The following FARS2 variants were observed in gnomAD, a reference collection of about 807,000 sequenced individuals.
The protein encoded by FARS2 is phenylalanyl-tRNA synthetase 2, mitochondrial.
Under a neutral mutation model 46.4 loss-of-function variants are expected in FARS2, and 40 were observed. That is an observed-to-expected ratio of 0.86 (90% CI 0.67 to 1.12). The LOEUF (loss-of-function observed/expected upper bound fraction) is 1.12, where lower values mean the gene tolerates loss of function less well. Among genes scored for constraint, FARS2 ranks in the 50% most tolerant of loss-of-function variants. The probability of loss-of-function intolerance (pLI) is 0.00; values close to 1 mark genes in which losing one functional copy is unlikely to be tolerated. For synonymous variants in FARS2, 234 were observed against 214.9 expected, an observed-to-expected ratio of 1.09 and a Z score of -0.78; for missense variants, 513 against 567.9, an observed-to-expected ratio of 0.90 and a Z score of 0.98.
chr6:5,356,579 A>G (rs1356411453), intron 1 of FARS2, among the ~76,000 whole-genome samples: 2 of 152,246 alleles, frequency 1.3e-5, no homozygotes, highest in Admixed American at 6.5e-5. Context: ...CATGTATGTT[A>G]AGAGCTTCAT....
intron 2 of FARS2, among the ~76,000 whole-genome samples, chr6:5,370,116 A>C (rs888629150): frequency 5.3e-5 from 8 of 152,228 alleles, no homozygotes; most frequent in African/African-American, 1.7e-4. Context: ...TCTCCTGCCA[A>C]CGTAAGCTAA....
intron 4 of FARS2, among the ~76,000 whole-genome samples, chr6:5,461,226 GA>G (rs1765223887): frequency 6.6e-6 from 1 of 151,902 alleles, no homozygotes; most frequent in African/African-American, 2.4e-5. Flanking sequence ...TTTTAATAGA[GA>G]CAAAGTTTCA....
chr6:5,372,132 A>G (rs982259953), intron 2 of FARS2, among the ~76,000 whole-genome samples: 1 of 152,172 alleles, frequency 6.6e-6, no homozygotes, highest in African/African-American at 2.4e-5. Flanking sequence ...ATTCAACATC[A>G]TAGGCTTAGT....
At chr6:5,351,971 A>G (rs1193340491) in intron 1 of FARS2, among the ~76,000 whole-genome samples, 3 of 152,162 alleles carry the variant, frequency 2.0e-5, no homozygotes, top group Admixed American at 6.5e-5. Flanking sequence ...TACCAGAGTA[A>G]ACCTCTGGAA....
rs146466636 is a variant in FARS2, at chr6:5,526,686, G to A, written c.905-18494G>A. 2.4e-3 allele frequency among the ~76,000 whole-genome samples: 362 copies of A among 151,980 alleles called. 2 individuals carry two copies. The highest frequency in any genetic ancestry group is 8.1e-3 in the African/African-American group (334 of 41,454). On this transcript the variant is annotated intron_variant, in intron 4 of 6. Coordinates refer to ENST00000274680, the MANE Select transcript of FARS2 (RefSeq NM_006567.5). ...CAGTGGAGTGAAATGGCAGGATCTC[G>A]GATCACTGCAACCTCCACCTCCTAG... is the stretch of plus-strand genomic sequence containing the variant.
chr6:5,674,282 C>T (rs951532236), intron 6 of FARS2, among the ~76,000 whole-genome samples: 3 of 150,422 alleles, frequency 2.0e-5, no homozygotes, highest in African/African-American at 7.3e-5. Context: ...GATAGATTCA[C>T]ACCATTTATT....
chr6:5,710,399 A>G (rs1373730484), intron 6 of FARS2, among the ~76,000 whole-genome samples: 1 of 152,244 alleles, frequency 6.6e-6, no homozygotes, highest in Non-Finnish European at 1.5e-5. Context: ...GCCAAGATAG[A>G]GTCACAAGGA....
At chr6:5,565,020 T>A (rs151025752) in intron 5 of FARS2, among the ~76,000 whole-genome samples, 12 of 152,322 alleles carry the variant, frequency 7.9e-5, no homozygotes, top group Admixed American at 3.9e-4. Context: ...TTTTTCCAGT[T>A]GTGTCCTGTT....
chr6:5,427,222 G>A (rs1762903424), intron 3 of FARS2, among the ~76,000 whole-genome samples: 1 of 152,136 alleles, frequency 6.6e-6, no homozygotes, highest in East Asian at 1.9e-4. Flanking sequence ...ATGATTCTGG[G>A]CAAGTGCTGT....
intron 6 of FARS2, among the ~76,000 whole-genome samples, chr6:5,655,700 G>T (rs1777575943): frequency 6.6e-6 from 1 of 152,120 alleles, no homozygotes; most frequent in African/African-American, 2.4e-5. Context: ...CCCATTTCGT[G>T]ATTCTTAACT....
At chr6:5,581,095 A>C (rs1163626186) in intron 5 of FARS2, among the ~76,000 whole-genome samples, 5 of 152,234 alleles carry the variant, frequency 3.3e-5, no homozygotes, top group Non-Finnish European at 4.4e-5. Context: ...AAGGTGTGCA[A>C]AATTACAGAG....
chr6:5,707,914 C>CG (rs1490880827), intron 6 of FARS2, among the ~76,000 whole-genome samples: 2 of 152,190 alleles, frequency 1.3e-5, no homozygotes, highest in African/African-American at 4.8e-5. Context: ...CGTGGGAGCC[C>CG]GGGGAAGAAA....
At chr6:5,473,557 A>AAC (rs1765937604) in intron 4 of FARS2, among the ~76,000 whole-genome samples, 2 of 145,764 alleles carry the variant, frequency 1.4e-5, no homozygotes, top group Non-Finnish European at 3.0e-5. Context: ...AAAAAAAAAA[A>AAC]CAAAAGAATA....
At chr6:5,250,807 C>T in the FARS2 span, among the ~76,000 whole-genome samples, 1 of 152,128 alleles carries the variant, frequency 6.6e-6, no homozygotes, top group Admixed American at 6.5e-5. Flanking sequence ...TTACTATGTT[C>T]TTACATATGG....
At chr6:5,323,159 A>T (rs1581781088) in intron 1 of FARS2, among the ~76,000 whole-genome samples, 2 of 152,346 alleles carry the variant, frequency 1.3e-5, no homozygotes, top group South Asian at 2.1e-4. Flanking sequence ...ATATACTCAT[A>T]GAAATAGATA....
At chr6:5,293,077 T>A (rs1010549447) in intron 1 of FARS2, among the ~76,000 whole-genome samples, 1 of 152,220 alleles carries the variant, frequency 6.6e-6, no homozygotes, top group Non-Finnish European at 1.5e-5. Context: ...AGGGTATTGG[T>A]GACACTGTTG....
intron 5 of FARS2, chr6:5,609,537 T>C (rs1216716311): frequency 1.2e-5 from 15 of 1,268,744 alleles, no homozygotes; most frequent in South Asian, 2.4e-5. Context: ...GTTTCCTCCA[T>C]GACCAAAGTT....
At chr6:5,589,667 A>G (rs1582521496) in intron 5 of FARS2, among the ~76,000 whole-genome samples, 1 of 152,232 alleles carries the variant, frequency 6.6e-6, no homozygotes, top group East Asian at 1.9e-4. Context: ...ATCTGGGAAC[A>G]CCAGTGGTAT....
chr6:5,368,462 A>AAG, intron 1 of FARS2, 88 bp from the exon 2 acceptor site: 1 of 1,186,160 alleles, frequency 8.4e-7, no homozygotes, highest in Non-Finnish European at 1.2e-6. Flanking sequence ...CCAGTAGGAC[A>AAG]AGAGGGAGCT....
Sources: allele counts gnomAD v4.1 joint callset (sites outside exome capture counted in the v4.1 genomes callset), GRCh38; gene constraint gnomAD v4.1.1; transcripts MANE v1.5; gene names NCBI Gene and HGNC (gene_info 2026-07-23, HGNC 2026-07-21).